RAB3D: variants seen among roughly 807,000 people sequenced by gnomAD.
The protein encoded by RAB3D is RAB3D, member RAS oncogene family.
In RAB3D, 17 loss-of-function variants were observed where a neutral mutation model predicts 19.3. The observed-to-expected ratio is 0.88, with a 90% CI of 0.60 to 1.32. The LOEUF is 1.32. RAB3D is among the 40% of genes most tolerant of loss of function. RAB3D has a pLI of 0.00. For missense variants in RAB3D, 223 were observed against 299.1 expected, an observed-to-expected ratio of 0.75 and a Z score of 1.88; for synonymous variants, 103 against 119.9, an observed-to-expected ratio of 0.86 and a Z score of 0.92.
chr19:11,326,643 GC>G, intron 4 of RAB3D: 1 of 525,974 alleles, frequency 1.9e-6, no homozygotes, highest in East Asian at 3.4e-5. Context: ...TCTCTCTATT[GC>G]CCAGGCCGGG....
chr19:11,333,593 C>T (rs1320962792), intron 4 of RAB3D, among the ~76,000 whole-genome samples: 1 of 152,064 alleles, frequency 6.6e-6, no homozygotes, highest in Non-Finnish European at 1.5e-5. Flanking sequence ...TTAGTCTCTT[C>T]CTGTGCCTTC....
chr19:11,328,023 C>T (rs1020757283), intron 4 of RAB3D, among the ~76,000 whole-genome samples: 3 of 151,686 alleles, frequency 2.0e-5, no homozygotes. Flanking sequence ...ATAGCAAGAC[C>T]CAGTCTCTAA....
chr19:11,328,552 CAGA>C (rs1000655333), intron 4 of RAB3D, among the ~76,000 whole-genome samples: 2 of 151,908 alleles, frequency 1.3e-5, no homozygotes, highest in African/African-American at 4.8e-5. Flanking sequence ...GAGGCTGAGG[CAGA>C]AGAATTGCTT....
Position 11,335,386 on chromosome 19 carries a change from G to A in RAB3D, c.472+61C>T, listed in dbSNP as rs2080848588. 6 of 1,599,942 alleles carry A rather than the reference G, an allele frequency of 3.8e-6. No individual in the cohort carries two copies. The African/African-American group carries it at 4.0e-5, about 11-fold the overall frequency. Reference sequence around the variant, plus strand: ...TGACTGGGTTGGACCCTGAATCAGAGGATGGGGATGAGGGTTTGGTTCTGG... The same window carrying A: ...TGACTGGGTTGGACCCTGAATCAGAAGATGGGGATGAGGGTTTGGTTCTGG... On this transcript the variant is annotated intron_variant, in intron 4 of 4. Coordinates refer to ENST00000222120, the MANE Select transcript of RAB3D (RefSeq NM_004283.4).
rs1051112062 is a variant in RAB3D at position 11,322,722 on chromosome 19, T to G, written c.*2676A>C. 1.3e-5 allele frequency: 2 copies of G among 152,218 alleles called. No individual in the cohort carries two copies. Among genetic ancestry groups the G allele is most frequent in the African/African-American group, 2.4e-5 (1 of 41,456 alleles). 9.4% of individuals were successfully genotyped at this position (152,218 alleles called of 1,614,324 possible). A position where few individuals can be genotyped will look rare whatever the true frequency, so the allele number is the denominator to read the frequency against. On this transcript the variant is annotated 3_prime_UTR_variant, in exon 5 of 5. Coordinates refer to ENST00000222120, the MANE Select transcript of RAB3D (RefSeq NM_004283.4). Reference sequence around the variant, plus strand: ...GTTTTTGAGAGAATCCTGAGGCAGCTCTCTCGGCTGCTACTTGAAGTTGAA... The same window carrying G: ...GTTTTTGAGAGAATCCTGAGGCAGCGCTCTCGGCTGCTACTTGAAGTTGAA...
rs1482326709 is a variant in RAB3D, at chr19:11,322,748, T to G, written c.*2650A>C. 2 of 152,218 alleles carry G rather than the reference T, an allele frequency of 1.3e-5. No individual in the cohort carries two copies. Among genetic ancestry groups the G allele is most frequent in the Non-Finnish European group, 1.5e-5 (1 of 68,038 alleles). 9.4% of individuals were successfully genotyped at this position (152,218 alleles called of 1,614,324 possible). The stretch of plus-strand genomic sequence containing the variant: ...CTCTCGGCTGCTACTTGAAGTTGAA[T>G]TCTTGAAAAATCTTATGTAAACAGA... On this transcript the variant is annotated 3_prime_UTR_variant, in exon 5 of 5. Transcript: ENST00000222120.
At position 11,337,305 on chromosome 19, in the gene RAB3D, C is replaced by T. The variant is rs1966905172; in HGVS notation, c.95G>A (p.Ser32Asn). ...MFKLLLIGNS[S>N]VGKTSFLFRY... ...GAACAGGAAGGAAGTCTTGCCCACA[C>T]TGCTGTTGCCTATCAGTAGCAGTTT... The change falls in exon 2 of 5, where the codon AGT becomes AAT. Residue 32 changes from serine to asparagine, a missense_variant. By Grantham distance (46) the Ser-to-Asn change is conservative. Coordinates refer to ENST00000222120, the MANE Select transcript of RAB3D (RefSeq NM_004283.4). The T allele has an allele frequency of 2.5e-6, 4 of 1,614,056 alleles. No individual in the cohort carries two copies. Among genetic ancestry groups the T allele is most frequent in the Admixed American group, 1.7e-5 (1 of 59,976 alleles).
rs1442165326 is a variant in RAB3D, at chr19:11,325,356, G to C, written c.*42C>G. The C allele has an allele frequency of 7.4e-7, 1 of 1,358,562 alleles. No individual in the cohort carries two copies. The highest frequency in any genetic ancestry group is 1.4e-5 in the African/African-American group (1 of 69,202). 84.2% of individuals were successfully genotyped at this position (1,358,562 alleles called of 1,614,324 possible). ...GGCTCACGCCTCGATCACAGTCCCT[G>C]CCGAGGCAGGAGAGGGGTGGGTGGG... On this transcript the variant is annotated 3_prime_UTR_variant, in exon 5 of 5. Coordinates refer to ENST00000222120, the MANE Select transcript of RAB3D (RefSeq NM_004283.4).
chr19:11,335,955 A>G (rs1425921568), intron 2 of RAB3D, among the ~76,000 whole-genome samples, 172 bp from the exon 3 acceptor site: 1 of 152,150 alleles, frequency 6.6e-6, no homozygotes, highest in Non-Finnish European at 1.5e-5. Flanking sequence ...TCACAACCCC[A>G]GTCTGATGGG....
In RAB3D at chr19:11,325,233, G is replaced by C; in HGVS notation, c.*165C>G. Reference sequence around the variant, plus strand: ...CCACCGGGGCTGCCTGAGGAACCTGGCAGCCACGGCGACATTGTGAAGGAA... The same window carrying C: ...CCACCGGGGCTGCCTGAGGAACCTGCCAGCCACGGCGACATTGTGAAGGAA... On this transcript the variant is annotated 3_prime_UTR_variant, in exon 5 of 5. Coordinates refer to ENST00000222120, the MANE Select transcript of RAB3D (RefSeq NM_004283.4). 1.7e-6 allele frequency: 1 copy of C among 578,558 alleles called. No individual in the cohort carries two copies. Among genetic ancestry groups the C allele is most frequent in the Non-Finnish European group, 3.1e-6 (1 of 326,372 alleles). The allele number at this position is 578,558 out of a possible 1,614,324, so 35.8% of individuals were successfully genotyped here.
At chr19:11,328,416 C>T (rs1359068212) in intron 4 of RAB3D, among the ~76,000 whole-genome samples, 8 of 149,572 alleles carry the variant, frequency 5.3e-5, no homozygotes, top group South Asian at 2.1e-4. Context: ...CTTTGGGAGA[C>T]GGAGGTGGGC....
chr19:11,337,040 G>A, intron 2 of RAB3D, 132 bp downstream of exon 2: 1 of 728,814 alleles, frequency 1.4e-6, no homozygotes, highest in Non-Finnish European at 2.3e-6. Flanking sequence ...GTTGCAGTGA[G>A]CCGAGATCCC....
chr19:11,333,534 T>G (rs1013825437), intron 4 of RAB3D, among the ~76,000 whole-genome samples: 3 of 152,128 alleles, frequency 2.0e-5, no homozygotes, highest in African/African-American at 7.2e-5. Flanking sequence ...GATACAAGAA[T>G]CAGAGAAGCT....
At chr19:11,339,219 G>A (rs1388167001) in intron 1 of RAB3D, among the ~76,000 whole-genome samples, 1 of 151,316 alleles carries the variant, frequency 6.6e-6, no homozygotes, top group Non-Finnish European at 1.5e-5. Flanking sequence ...GCCTGGCCCC[G>A]GAGGGCTCGC....
chr19:11,334,858 G>A (rs1262632452), intron 4 of RAB3D, among the ~76,000 whole-genome samples: 1 of 152,120 alleles, frequency 6.6e-6, no homozygotes, highest in Non-Finnish European at 1.5e-5. Context: ...GGGAGGTGGA[G>A]GCTGCAGTGA....
chr19:11,322,711 C>A lies in RAB3D; in HGVS notation c.*2687G>T, dbSNP rs1176350408. 4 of 152,166 alleles carry A rather than the reference C, an allele frequency of 2.6e-5. No homozygotes were observed. The highest frequency in any genetic ancestry group is 4.4e-5 in the Non-Finnish European group (3 of 68,032). 9.4% of individuals were successfully genotyped at this position (152,166 alleles called of 1,614,324 possible). A position where few individuals can be genotyped will look rare whatever the true frequency, so the allele number is the denominator to read the frequency against. On this transcript the variant is annotated 3_prime_UTR_variant, in exon 5 of 5. Transcript: ENST00000222120. ...TATTATTCCCAGTTTTTGAGAGAAT[C>A]CTGAGGCAGCTCTCTCGGCTGCTAC...
chr19:11,330,882 G>T (rs780349769), intron 4 of RAB3D, among the ~76,000 whole-genome samples: 1 of 151,644 alleles, frequency 6.6e-6, no homozygotes, highest in Non-Finnish European at 1.5e-5. Flanking sequence ...CAGGTGTGGT[G>T]GAGTACACCT....
At chr19:11,330,875 G>A (rs541429932) in intron 4 of RAB3D, among the ~76,000 whole-genome samples, 1 of 151,908 alleles carries the variant, frequency 6.6e-6, no homozygotes, top group Admixed American at 6.6e-5. Context: ...AATTAGGCAG[G>A]TGTGGTGGAG....
intron 4 of RAB3D, among the ~76,000 whole-genome samples, chr19:11,329,018 A>T (rs1049865580): frequency 6.8e-6 from 1 of 146,652 alleles, no homozygotes; most frequent in Non-Finnish European, 1.5e-5. Flanking sequence ...TACGGCCTTG[A>T]CTCTTGGGCC....
Sources: allele counts gnomAD v4.1 joint callset (sites outside exome capture counted in the v4.1 genomes callset), GRCh38; gene constraint gnomAD v4.1.1; transcripts MANE v1.5; gene names NCBI Gene and HGNC (gene_info 2026-07-23, HGNC 2026-07-21).